WDPCP: variants seen among roughly 807,000 people sequenced by gnomAD.
The protein encoded by WDPCP is WD repeat-containing and planar cell polarity effector protein fritz homolog.
WDPCP carries 71 observed loss-of-function variants against 93.1 expected under a neutral mutation model. The observed-to-expected ratio is 0.76, with a 90% CI of 0.63 to 0.93. WDPCP has a LOEUF of 0.93. WDPCP is among the 40% of genes least tolerant of loss of function. The pLI, the probability that WDPCP is intolerant of heterozygous loss-of-function variation, is 0.00. For missense variants in WDPCP, 844 were observed against 887.4 expected, an observed-to-expected ratio of 0.95 and a Z score of 0.62; for synonymous variants, 315 against 315.0, an observed-to-expected ratio of 1.00 and a Z score of 0.00.
At chr2:63,558,541 A>G (rs79247788) in intron 1 of WDPCP, among the ~76,000 whole-genome samples, 2 of 148,768 alleles carry the variant, frequency 1.3e-5, no homozygotes, top group Non-Finnish European at 3.0e-5. Flanking sequence ...AAAAAAAAAA[A>G]AAAAGAAAAA....
intron 2 of WDPCP, among the ~76,000 whole-genome samples, chr2:63,746,347 C>T (rs748953396): frequency 3.9e-5 from 6 of 152,076 alleles, no homozygotes; most frequent in Non-Finnish European, 7.4e-5. Flanking sequence ...GAGATGATTG[C>T]ATTAACTAAA....
chr2:63,839,374 A>ATGGCGAAACCCCGCCTCTACTAAAAATGT, the WDPCP span, among the ~76,000 whole-genome samples: 5 of 152,176 alleles, frequency 3.3e-5, no homozygotes, highest in Non-Finnish European at 7.4e-5. Context: ...CCTGGCCAAC[A>ATGGCGAAACCCCGCCTCTACTAAAAATGT]TGGCGAAACC....
chr2:63,438,306 C>A (rs1697271633), intron 7 of WDPCP, among the ~76,000 whole-genome samples: 1 of 151,862 alleles, frequency 6.6e-6, no homozygotes, highest in African/African-American at 2.4e-5. Flanking sequence ...TACTTTCACA[C>A]CCCTGACCAT....
intron 12 of WDPCP, among the ~76,000 whole-genome samples, chr2:63,347,520 T>C (rs1281704502): frequency 6.6e-6 from 1 of 152,196 alleles, no homozygotes; most frequent in Non-Finnish European, 1.5e-5. Flanking sequence ...TTTACCATAG[T>C]GTTGCTCTAC....
intron 17 of WDPCP, among the ~76,000 whole-genome samples, chr2:63,139,220 T>C (rs1227712845): frequency 6.6e-6 from 1 of 152,134 alleles, no homozygotes; most frequent in East Asian, 1.9e-4. Flanking sequence ...TATCCACTTG[T>C]TGATGATGGG....
At chr2:63,643,542 T>C (rs766536614) in intron 3 of WDPCP, 156 of 422,844 alleles carry the variant, frequency 3.7e-4, no homozygotes, top group Non-Finnish European at 4.3e-4. Context: ...AAATCAGTAA[T>C]CTTGCCAGTC....
At chr2:63,529,392 A>G (rs1479634148) in intron 1 of WDPCP, among the ~76,000 whole-genome samples, 1 of 152,208 alleles carries the variant, frequency 6.6e-6, no homozygotes, top group Non-Finnish European at 1.5e-5. Context: ...ATGTCCCACC[A>G]ATACCTAGTT....
intron 2 of WDPCP, among the ~76,000 whole-genome samples, chr2:63,743,491 T>A (rs1260110611): frequency 6.6e-6 from 1 of 152,120 alleles, no homozygotes; most frequent in East Asian, 1.9e-4. Flanking sequence ...CTACAGTTTT[T>A]AAAAAAATAC....
chr2:63,321,279 GAAC>G (rs999787729), intron 12 of WDPCP, among the ~76,000 whole-genome samples: 2 of 151,634 alleles, frequency 1.3e-5, no homozygotes, highest in African/African-American at 2.4e-5. Flanking sequence ...TGATATTATA[GAAC>G]AATATCAGTC....
chr2:63,194,794 C>A (rs951589372), intron 14 of WDPCP, among the ~76,000 whole-genome samples: 3 of 152,042 alleles, frequency 2.0e-5, no homozygotes, highest in Non-Finnish European at 4.4e-5. Context: ...ATATTTGAAC[C>A]AGTTTATTCC....
At chr2:63,283,532 T>C (rs981783633) in intron 13 of WDPCP, among the ~76,000 whole-genome samples, 6 of 152,222 alleles carry the variant, frequency 3.9e-5, no homozygotes, top group Non-Finnish European at 8.8e-5. Flanking sequence ...CCGATGGCTG[T>C]TTCTGAGCTG....
intron 12 of WDPCP, among the ~76,000 whole-genome samples, chr2:63,375,396 C>T (rs1291071678): frequency 6.6e-6 from 1 of 151,894 alleles, no homozygotes; most frequent in African/African-American, 2.4e-5. Context: ...TAGATTCTAT[C>T]ATCTCTTTAA....
intron 1 of WDPCP, among the ~76,000 whole-genome samples, chr2:63,496,002 T>G (rs1701200711): frequency 6.6e-6 from 1 of 152,144 alleles, no homozygotes; most frequent in African/African-American, 2.4e-5. Flanking sequence ...GTAAAACAGG[T>G]GTATACTTCC....
At chr2:63,167,232 A>C (rs1443229312) in intron 15 of WDPCP, among the ~76,000 whole-genome samples, 8 of 152,238 alleles carry the variant, frequency 5.3e-5, no homozygotes, top group African/African-American at 1.7e-4. Flanking sequence ...AAATATTTAC[A>C]CTGAAGCCAT....
chr2:63,317,659 T>G (rs546281465), intron 12 of WDPCP, among the ~76,000 whole-genome samples: 51 of 152,218 alleles, frequency 3.4e-4, no homozygotes, highest in Admixed American at 1.4e-3. Flanking sequence ...ACAGCAGCAA[T>G]GGGGAAATGA....
intron 14 of WDPCP, among the ~76,000 whole-genome samples, chr2:63,246,591 T>C (rs1189110120): frequency 2.0e-5 from 3 of 152,184 alleles, no homozygotes; most frequent in Non-Finnish European, 4.4e-5. Context: ...ATGTTTAGCA[T>C]GAAGGATGCC....
At chr2:63,400,359 A>G (rs1055399031) in intron 10 of WDPCP, among the ~76,000 whole-genome samples, 36 of 152,336 alleles carry the variant, frequency 2.4e-4, no homozygotes, top group African/African-American at 8.2e-4. Context: ...AGGCAATACT[A>G]TCCTGGACAA....
intron 13 of WDPCP, among the ~76,000 whole-genome samples, chr2:63,311,960 G>C (rs1462929151): frequency 6.6e-6 from 1 of 152,000 alleles, no homozygotes; most frequent in Non-Finnish European, 1.5e-5. Flanking sequence ...CCATTATTGG[G>C]GTAAGTGGCA....
rs78658129 is a variant in WDPCP, at chr2:63,247,375, C to G, written c.1915+11932G>C. 7.6e-4 allele frequency among the ~76,000 whole-genome samples: 115 copies of G among 152,070 alleles called. 1 individual carries two copies. The highest frequency in any genetic ancestry group is 1.3e-3 in the Non-Finnish European group (86 of 67,984). Reference sequence around the variant, plus strand: ...TTTACTGTAGTAATGGTATGTCACACGTTTACTCTTAAGTACTTATGAATG... The same window carrying G: ...TTTACTGTAGTAATGGTATGTCACAGGTTTACTCTTAAGTACTTATGAATG... On this transcript the variant is annotated intron_variant, in intron 14 of 17. Coordinates refer to ENST00000272321, the MANE Select transcript of WDPCP (RefSeq NM_015910.7).
Sources: allele counts gnomAD v4.1 joint callset (sites outside exome capture counted in the v4.1 genomes callset), GRCh38; gene constraint gnomAD v4.1.1; transcripts MANE v1.5; gene names NCBI Gene and HGNC (gene_info 2026-07-23, HGNC 2026-07-21).